Variants in BEAN1 observed in about 807,000 individuals in gnomAD.
The protein encoded by BEAN1 is brain expressed associated with NEDD4 1, also known as protein BEAN1.
In BEAN1, 17 loss-of-function variants were observed where a neutral mutation model predicts 17.7. That is an observed-to-expected ratio of 0.96 (90% CI 0.66 to 1.44). The LOEUF (loss-of-function observed/expected upper bound fraction) is 1.44, where lower values mean the gene tolerates loss of function less well. BEAN1 is among the 40% of genes most tolerant of loss of function. BEAN1 has a pLI of 0.00. For synonymous variants in BEAN1, 142 were observed against 151.8 expected (o/e 0.94, Z 0.47); for missense variants, 359 against 374.1 (o/e 0.96, Z 0.33).
chr16:66,453,342 T>TACACACAC (rs34867737), intron 2 of BEAN1, among the ~76,000 whole-genome samples: 26 of 147,730 alleles, frequency 1.8e-4, no homozygotes, highest in Admixed American at 4.1e-4. Context: ...CATTCTGTTA[T>TACACACAC]ACACACACAC....
At chr16:66,431,230 G>A (rs975237809) in intron 1 of BEAN1, among the ~76,000 whole-genome samples, 5 of 152,352 alleles carry the variant, frequency 3.3e-5, no homozygotes, top group African/African-American at 1.2e-4. Flanking sequence ...TCCAGAGGCT[G>A]AGGCAGGATC....
chr16:66,469,296 T>C (rs575596811), intron 2 of BEAN1, among the ~76,000 whole-genome samples: 1 of 152,352 alleles, frequency 6.6e-6, no homozygotes, highest in East Asian at 1.9e-4. Context: ...CTGGGTAACC[T>C]TGGGCAAGTC....
At chr16:66,440,299 T>G (rs1269788923) in intron 2 of BEAN1, among the ~76,000 whole-genome samples, 2 of 151,786 alleles carry the variant, frequency 1.3e-5, no homozygotes, top group Non-Finnish European at 2.9e-5. Context: ...CTGGCTAAGT[T>G]TTTTTTGTTT....
chr16:66,494,670 A>G (rs1420962240), downstream of BEAN1, among the ~76,000 whole-genome samples: 2 of 152,144 alleles, frequency 1.3e-5, no homozygotes, highest in African/African-American at 2.4e-5. Context: ...CCCTTAATCC[A>G]TCTAGGATCC....
At chr16:66,461,094 C>T (rs1963065338) in intron 2 of BEAN1, among the ~76,000 whole-genome samples, 2 of 150,766 alleles carry the variant, frequency 1.3e-5, no homozygotes. Flanking sequence ...ATCATGAGCA[C>T]CTTTATAGAA....
chr16:66,448,604 C>A (rs1269484074), intron 2 of BEAN1, among the ~76,000 whole-genome samples: 1 of 151,844 alleles, frequency 6.6e-6, no homozygotes, highest in Non-Finnish European at 1.5e-5. Flanking sequence ...GGCAGATCAT[C>A]TGAGGTCAGG....
chr16:66,466,231 G>A (rs2142424760), intron 2 of BEAN1, among the ~76,000 whole-genome samples: 1 of 152,300 alleles, frequency 6.6e-6, no homozygotes, highest in Non-Finnish European at 1.5e-5. Flanking sequence ...GGAGGCAGAG[G>A]TTGCAGCTGC....
chr16:66,456,827 T>C lies in BEAN1; in HGVS notation c.26-12775T>C, dbSNP rs144287363. Among the ~76,000 whole-genome samples the C allele has an allele frequency of 5.9e-5, 9 of 152,354 alleles. 1 individual carries two copies. The East Asian group carries it at 1.7e-3, about 29-fold the overall frequency. On this transcript the variant is annotated intron_variant, in intron 2 of 4. Transcript: ENST00000536005. ...AGGAAGTTAGATACGCAGAGGAATA[T>C]GTGCGTTACTCTTAGTGAGTTTATT...
intron 2 of BEAN1, among the ~76,000 whole-genome samples, chr16:66,443,818 G>A (rs142293521): frequency 0.02 from 2,987 of 152,146 alleles, 43 homozygotes; most frequent in South Asian, 0.044. Flanking sequence ...GGGATTACAG[G>A]TGCCCATCAC....
chr16:66,445,847 C>T (rs1366205628), intron 2 of BEAN1, among the ~76,000 whole-genome samples: 1 of 152,046 alleles, frequency 6.6e-6, no homozygotes, highest in Non-Finnish European at 1.5e-5. Flanking sequence ...GTAGAAGAGG[C>T]TAGAGGAGGA....
intron 2 of BEAN1, among the ~76,000 whole-genome samples, chr16:66,465,455 A>G (rs1047854890): frequency 1.3e-5 from 2 of 152,188 alleles, no homozygotes; most frequent in Non-Finnish European, 2.9e-5. Flanking sequence ...AGAAAAGTTT[A>G]TGGAAATTGG....
intron 4 of BEAN1, chr16:66,479,131 C>T (rs936992396): frequency 6.6e-6 from 1 of 152,180 alleles, no homozygotes; most frequent in African/African-American, 2.4e-5. Flanking sequence ...CCTGGGTTTT[C>T]CTGGGAAGGA....
chr16:66,456,662 C>G (rs916765611), intron 2 of BEAN1, among the ~76,000 whole-genome samples: 1 of 152,170 alleles, frequency 6.6e-6, no homozygotes, highest in Non-Finnish European at 1.5e-5. Context: ...TCTGTGATGT[C>G]AACCAGTTTG....
intron 2 of BEAN1, among the ~76,000 whole-genome samples, chr16:66,450,772 C>A (rs185015444): frequency 2.6e-5 from 4 of 152,214 alleles, no homozygotes; most frequent in Non-Finnish European, 4.4e-5. Context: ...AAGAAAAAAT[C>A]TTTGCAGGAT....
chr16:66,443,401 G>A (rs1962331117), intron 2 of BEAN1, among the ~76,000 whole-genome samples: 2 of 152,230 alleles, frequency 1.3e-5, no homozygotes, highest in African/African-American at 4.8e-5. Context: ...AGTCTAGATG[G>A]CACAGCTAGA....
intron 4 of BEAN1, among the ~76,000 whole-genome samples, chr16:66,492,538 C>G (rs893158694): frequency 1.1e-4 from 17 of 152,040 alleles, no homozygotes; most frequent in Admixed American, 1.1e-3. Context: ...CTCCTGGGTT[C>G]GAGCAATTCT....
intron 2 of BEAN1, among the ~76,000 whole-genome samples, chr16:66,459,277 C>A (rs1245890185): frequency 6.6e-6 from 1 of 152,172 alleles, no homozygotes; most frequent in Non-Finnish European, 1.5e-5. Flanking sequence ...TCTGACCACG[C>A]CCCTCTTTGC....
At chr16:66,433,785 C>T (rs960934612) in intron 1 of BEAN1, among the ~76,000 whole-genome samples, 2 of 152,236 alleles carry the variant, frequency 1.3e-5, no homozygotes, top group Non-Finnish European at 2.9e-5. Flanking sequence ...TTCACAAGGC[C>T]AGCCCACCCC....
chr16:66,478,629 T>C (rs2142462501), intron 4 of BEAN1, among the ~76,000 whole-genome samples: 1 of 152,054 alleles, frequency 6.6e-6, no homozygotes, highest in East Asian at 1.9e-4. Context: ...ATAATAATAA[T>C]AATATCTGCC....
Sources: allele counts gnomAD v4.1 joint callset (sites outside exome capture counted in the v4.1 genomes callset), GRCh38; gene constraint gnomAD v4.1.1; transcripts MANE v1.5; gene names NCBI Gene and HGNC (gene_info 2026-07-23, HGNC 2026-07-21).